The following C2CD5 variants were observed in gnomAD, a reference collection of about 807,000 sequenced individuals.
The protein encoded by C2CD5 is C2 domain-containing protein 5.
Under a neutral mutation model 130.3 loss-of-function variants are expected in C2CD5, and 109 were observed. The ratio of observed to expected loss-of-function variants is 0.84; its 90% confidence interval spans 0.72 to 0.98. The LOEUF (loss-of-function observed/expected upper bound fraction) is 0.98, where lower values mean the gene tolerates loss of function less well. C2CD5 is among the 50% of genes least tolerant of loss of function. The pLI is 0.00. For synonymous variants in C2CD5, 454 were observed against 429.2 expected (o/e 1.06, Z -0.71); for missense variants, 996 against 1,261.8 (o/e 0.79, Z 3.19).
At chr12:22,482,846 G>A (rs1944922291) in intron 13 of C2CD5, 103 bp from the exon 14 acceptor site, 1 of 775,272 alleles carries the variant, frequency 1.3e-6, no homozygotes. Flanking sequence ...ACATTTACTT[G>A]TTTCTAATGG....
chr12:22,500,694 C>A (rs1947658047), intron 10 of C2CD5, among the ~76,000 whole-genome samples: 1 of 152,118 alleles, frequency 6.6e-6, no homozygotes, highest in African/African-American at 2.4e-5. Context: ...TATAAGCTTG[C>A]ATGATCTGTC....
chr12:22,486,272 A>C (rs1303541424), intron 12 of C2CD5, among the ~76,000 whole-genome samples: 1 of 151,584 alleles, frequency 6.6e-6, no homozygotes, highest in Admixed American at 6.6e-5. Context: ...CACTGTGGTC[A>C]CTCATTCCCA....
chr12:22,479,646 C>T (rs565347920), intron 14 of C2CD5, among the ~76,000 whole-genome samples: 3 of 152,120 alleles, frequency 2.0e-5, no homozygotes, highest in Admixed American at 6.5e-5. Flanking sequence ...CCCTACCTTC[C>T]TAATTAGCAG....
Position 22,513,446 on chromosome 12 carries a change from C to A in C2CD5, c.953-67G>T. ...TATAGAAACAAAGTTTAATTGCATT[C>A]ATCTTCATAAACATCATGAGTTGAA... On this transcript the variant is annotated intron_variant, in intron 8 of 26. Coordinates refer to ENST00000446597, the MANE Select transcript of C2CD5 (RefSeq NM_001286176.2). 6 of 934,608 alleles carry A rather than the reference C, an allele frequency of 6.4e-6. No homozygotes were observed. The South Asian group carries it at 6.5e-5, about 10-fold the overall frequency. The allele number at this position is 934,608 out of a possible 1,614,324, so 57.9% of individuals were successfully genotyped here.
In C2CD5 at chr12:22,479,523, G is replaced by A. The variant is rs533929932; in HGVS notation, c.1738-1046C>T. Among the ~76,000 whole-genome samples, 14 of 152,266 alleles carry A rather than the reference G, an allele frequency of 9.2e-5. No individual in the cohort carries two copies. The South Asian group carries it at 2.5e-3, about 27-fold the overall frequency. On this transcript the variant is annotated intron_variant, in intron 14 of 26. Transcript: ENST00000446597. ...AAGAGGAAACTTTTGCAAGGCAAGA[G>A]ACTGAAATTCAGAAAGGACAGGGAA...
intron 8 of C2CD5, among the ~76,000 whole-genome samples, chr12:22,516,515 T>C (rs189994017): frequency 2.2e-3 from 331 of 151,396 alleles, no homozygotes; most frequent in African/African-American, 7.5e-3. Context: ...TTCATTGATA[T>C]TTATTCCTTG....
intron 9 of C2CD5, among the ~76,000 whole-genome samples, chr12:22,510,666 A>T (rs1200612536): frequency 6.6e-6 from 1 of 152,238 alleles, no homozygotes; most frequent in African/African-American, 2.4e-5. Context: ...TTTACCTTAT[A>T]TCAATGTTTC....
At chr12:22,457,363 C>A (rs747613418) in intron 24 of C2CD5, among the ~76,000 whole-genome samples, 7 of 152,136 alleles carry the variant, frequency 4.6e-5, no homozygotes, top group Non-Finnish European at 8.8e-5. Context: ...GAATGGAATT[C>A]TTTTGGAAGA....
At chr12:22,511,071 G>C (rs577692532) in intron 9 of C2CD5, among the ~76,000 whole-genome samples, 1 of 151,238 alleles carries the variant, frequency 6.6e-6, no homozygotes, top group East Asian at 1.9e-4. Flanking sequence ...CGAAAACCTA[G>C]CAATGCTTCT....
At chr12:22,508,097 C>T (rs1948782174) in intron 9 of C2CD5, among the ~76,000 whole-genome samples, 2 of 152,102 alleles carry the variant, frequency 1.3e-5, no homozygotes, top group Non-Finnish European at 1.5e-5. Context: ...TACAAACTCA[C>T]AAAAGCATGA....
rs576394776 is a variant in C2CD5, at chr12:22,494,003, T to C, written c.1148-666A>G. Among the ~76,000 whole-genome samples the C allele has an allele frequency of 4.6e-5, 7 of 152,204 alleles. No individual in the cohort carries two copies. The South Asian group carries it at 1.0e-3, about 23-fold the overall frequency. ...ATATAACACTCCATGTATTGGTCTGTAATTTTAAAAAATGATTTAGAGTCA... is the reference window on the plus strand; with the variant it reads ...ATATAACACTCCATGTATTGGTCTGCAATTTTAAAAAATGATTTAGAGTCA... On this transcript the variant is annotated intron_variant, in intron 10 of 26. Coordinates refer to ENST00000446597, the MANE Select transcript of C2CD5 (RefSeq NM_001286176.2).
intron 22 of C2CD5, among the ~76,000 whole-genome samples, chr12:22,468,542 C>T (rs1041246490): frequency 4.6e-5 from 7 of 152,158 alleles, no homozygotes; most frequent in African/African-American, 1.7e-4. Context: ...GACAGTTCTG[C>T]TTTCTGCCTG....
At chr12:22,514,438 T>C (rs926155180) in intron 8 of C2CD5, among the ~76,000 whole-genome samples, 1 of 152,126 alleles carries the variant, frequency 6.6e-6, no homozygotes, top group Non-Finnish European at 1.5e-5. Context: ...AAGATCTTTA[T>C]ACGAAGCATA....
At position 22,449,574 on chromosome 12, in the gene C2CD5, G is replaced by T; in HGVS notation, c.*186C>A. The T allele has an allele frequency of 1.9e-6, 1 of 532,012 alleles. No individual in the cohort carries two copies. Among genetic ancestry groups the T allele is most frequent in the Non-Finnish European group, 3.3e-6 (1 of 299,302 alleles). The allele number at this position is 532,012 out of a possible 1,614,324, so 33.0% of individuals were successfully genotyped here. On this transcript the variant is annotated 3_prime_UTR_variant, in exon 27 of 27. Transcript: ENST00000446597. ...GTCAAGACCCCACAGGGCCTGTCTA[G>T]AACAGGCAAACAAAATGTCAAGATT...
intron 3 of C2CD5, among the ~76,000 whole-genome samples, chr12:22,532,291 T>C (rs1003874412): frequency 1.3e-5 from 2 of 151,508 alleles, no homozygotes; most frequent in African/African-American, 4.9e-5. Context: ...GATCCCACCA[T>C]TGCCCTCCAG....
chr12:22,529,497 G>C (rs1248867625), intron 3 of C2CD5, among the ~76,000 whole-genome samples: 1 of 152,024 alleles, frequency 6.6e-6, no homozygotes, highest in African/African-American at 2.4e-5. Flanking sequence ...ACAACTAAGT[G>C]ACTAAAAATA....
At chr12:22,479,177 G>A (rs1183449230) in intron 14 of C2CD5, among the ~76,000 whole-genome samples, 3 of 151,706 alleles carry the variant, frequency 2.0e-5, no homozygotes, top group South Asian at 2.1e-4. Flanking sequence ...GGGTTCAAGC[G>A]ATTCTTCTGC....
chr12:22,513,425 G>A, intron 8 of C2CD5, 46 bp from the exon 9 acceptor site: 1 of 1,209,434 alleles, frequency 8.3e-7, no homozygotes, highest in Middle Eastern at 1.9e-4. Flanking sequence ...AGCAACTATA[G>A]AAACAAAGTT....
Position 22,524,490 on chromosome 12 carries a change from GTCTC to G in C2CD5, c.579_582del (p.Gln193HisfsTer5), listed in dbSNP as rs1187746934. ...TAAATACCTGACATTAACGAAATGA[GTCTC>G]TGTCTGGCCTCATTTGATGCCCTTG... On this transcript the variant is annotated frameshift_variant, in exon 6 of 27. Coordinates refer to ENST00000446597, the MANE Select transcript of C2CD5 (RefSeq NM_001286176.2). LOFTEE classifies it high-confidence loss of function. 9.3e-6 allele frequency: 15 copies of G among 1,613,476 alleles called. No individual in the cohort carries two copies. Among genetic ancestry groups the G allele is most frequent in the African/African-American group, 2.7e-5 (2 of 74,886 alleles).
Sources: allele counts gnomAD v4.1 joint callset (sites outside exome capture counted in the v4.1 genomes callset), GRCh38; gene constraint gnomAD v4.1.1; transcripts MANE v1.5; gene names NCBI Gene and HGNC (gene_info 2026-07-23, HGNC 2026-07-21).